Variants in ZMYM4 observed in about 807,000 individuals in gnomAD.
The protein encoded by ZMYM4 is zinc finger MYM-type containing 4, also known as zinc finger MYM-type protein 4.
A neutral mutation model predicts 183.2 loss-of-function variants in ZMYM4; 31 were observed. That is an observed-to-expected ratio of 0.17 (90% confidence interval 0.13 to 0.23). The LOEUF (loss-of-function observed/expected upper bound fraction) is 0.23, where lower values mean the gene tolerates loss of function less well. ZMYM4 is among the 10% of genes least tolerant of loss of function. The pLI is 1.00. For synonymous variants in ZMYM4, 592 were observed against 631.2 expected, an observed-to-expected ratio of 0.94 and a Z score of 0.93; for missense variants, 1,273 against 1,840.3, an observed-to-expected ratio of 0.69 and a Z score of 5.64.
chr1:35,410,755 G>T (rs1267264271), intron 26 of ZMYM4, among the ~76,000 whole-genome samples: 2 of 151,538 alleles, frequency 1.3e-5, no homozygotes, highest in Non-Finnish European at 2.9e-5. Context: ...CTCCCAATGT[G>T]CTGGCTTTAC....
chr1:35,379,435 C>T (rs1413354470), intron 7 of ZMYM4, among the ~76,000 whole-genome samples: 1 of 152,164 alleles, frequency 6.6e-6, no homozygotes, highest in Non-Finnish European at 1.5e-5. Flanking sequence ...GTGGTTTCAC[C>T]ATGTTGGCTA....
At chr1:35,315,733 G>A (rs1331478490) in intron 1 of ZMYM4, among the ~76,000 whole-genome samples, 1 of 151,986 alleles carries the variant, frequency 6.6e-6, no homozygotes, top group Non-Finnish European at 1.5e-5. Flanking sequence ...GGGGGTTTGG[G>A]ACCAGAATTG....
intron 1 of ZMYM4, among the ~76,000 whole-genome samples, chr1:35,321,000 T>A (rs1570347063): frequency 1.3e-5 from 2 of 152,210 alleles, no homozygotes; most frequent in African/African-American, 4.8e-5. Flanking sequence ...GGTCTTTATA[T>A]AAAGCGCTCC....
intron 21 of ZMYM4, 128 bp downstream of exon 21, chr1:35,398,594 G>A: frequency 1.2e-6 from 1 of 860,940 alleles, no homozygotes; most frequent in Non-Finnish European, 1.8e-6. Flanking sequence ...AGATGTATAT[G>A]AAGTGTACTA....
rs373943804 is a variant in ZMYM4, at chr1:35,359,298, A to G, written c.459A>G (p.Lys153=). ...DQVSVFKSIR[K]DFSLVRENSK... ...TTTCTGTCTTTAAATCAATACGGAA[A>G]GATTTTAGTCTAGTAAGAGAAAACA... Residue 153 remains lysine (K), a synonymous_variant, in exon 3 of 30, where the codon AAA becomes AAG. Transcript: ENST00000314607. 3 of 1,609,642 alleles carry G rather than the reference A, an allele frequency of 1.9e-6. No individual in the cohort carries two copies. Among genetic ancestry groups the G allele is most frequent in the Admixed American group, 1.7e-5 (1 of 59,146 alleles).
At chr1:35,340,170 A>G (rs1643144084) in intron 2 of ZMYM4, among the ~76,000 whole-genome samples, 1 of 152,126 alleles carries the variant, frequency 6.6e-6, no homozygotes, top group Non-Finnish European at 1.5e-5. Flanking sequence ...GAATGTGTAG[A>G]TCAACTGAGA....
chr1:35,415,377 T>C (rs1443144914), intron 27 of ZMYM4, 89 bp from the exon 28 acceptor site: 2 of 1,530,950 alleles, frequency 1.3e-6, no homozygotes, highest in Non-Finnish European at 1.8e-6. Context: ...TTTTTCTCTT[T>C]ATATCTCCCT....
At chr1:35,339,717 T>C (rs528918410) in intron 2 of ZMYM4, among the ~76,000 whole-genome samples, 1 of 152,304 alleles carries the variant, frequency 6.6e-6, no homozygotes, top group South Asian at 2.1e-4. Context: ...TTTCCTAAAA[T>C]CTTTATTGAT....
intron 2 of ZMYM4, among the ~76,000 whole-genome samples, chr1:35,339,201 A>G (rs1643098496): frequency 6.6e-6 from 1 of 152,162 alleles, no homozygotes; most frequent in East Asian, 1.9e-4. Context: ...CCTAAACAAT[A>G]CAATATAACA....
intron 1 of ZMYM4, among the ~76,000 whole-genome samples, chr1:35,318,054 GTTTTTTT>G (rs58071694): frequency 8.6e-6 from 1 of 116,616 alleles, no homozygotes; most frequent in Non-Finnish European, 1.7e-5. Context: ...GATTATGGCA[GTTTTTTT>G]TTTTTTTTTT....
chr1:35,296,097 A>G lies in ZMYM4; in HGVS notation c.39+27012A>G, dbSNP rs1274175876. 4 of 152,100 alleles carry G rather than the reference A, an allele frequency of 2.6e-5. No individual in the cohort carries two copies. The East Asian group carries it at 7.7e-4, about 29-fold the overall frequency. 9.4% of individuals were successfully genotyped at this position (152,100 alleles called of 1,614,324 possible). ...GTCAAGGAGCCCATCTCAGTGTGGC[A>G]TTTTCTGCGGTTATCCCTGACCTAC... On this transcript the variant is annotated intron_variant, in intron 1 of 29. Transcript: ENST00000314607.
intron 26 of ZMYM4, among the ~76,000 whole-genome samples, chr1:35,409,052 GT>G (rs1238451598): frequency 2.6e-5 from 4 of 152,060 alleles, no homozygotes; most frequent in Non-Finnish European, 5.9e-5. Flanking sequence ...TTTGTGTCTG[GT>G]TTCTTTCCCT....
At chr1:35,285,366 C>G (rs749124620) in intron 1 of ZMYM4, among the ~76,000 whole-genome samples, 1 of 151,850 alleles carries the variant, frequency 6.6e-6, no homozygotes, top group Non-Finnish European at 1.5e-5. Flanking sequence ...ATGTTTTGTA[C>G]AGGTCTTTTA....
intron 5 of ZMYM4, among the ~76,000 whole-genome samples, chr1:35,365,471 T>C (rs1457928519): frequency 1.3e-5 from 2 of 152,080 alleles, no homozygotes; most frequent in South Asian, 4.1e-4. Context: ...GACGAGCTAA[T>C]GTGTAGTCTC....
intron 1 of ZMYM4, among the ~76,000 whole-genome samples, chr1:35,271,148 T>A (rs542935094): frequency 1.3e-4 from 20 of 152,310 alleles, no homozygotes; most frequent in African/African-American, 4.8e-4. Flanking sequence ...GGTAAATTAC[T>A]TAAGATATGT....
chr1:35,335,771 G>A (rs1229539410), intron 2 of ZMYM4, among the ~76,000 whole-genome samples: 3 of 152,186 alleles, frequency 2.0e-5, no homozygotes, highest in Admixed American at 2.0e-4. Flanking sequence ...AGCTAACACG[G>A]TGAAACTTTG....
At chr1:35,371,110 C>T (rs969221763) in intron 7 of ZMYM4, among the ~76,000 whole-genome samples, 9 of 102,718 alleles carry the variant, frequency 8.8e-5, no homozygotes, top group Middle Eastern at 4.6e-3. Context: ...TGTGTGTGCG[C>T]ACATTTATTT....
At chr1:35,326,084 G>T (rs1642491648) in intron 2 of ZMYM4, among the ~76,000 whole-genome samples, 1 of 152,058 alleles carries the variant, frequency 6.6e-6, no homozygotes, top group Admixed American at 6.6e-5. Flanking sequence ...TGTATAATAA[G>T]TCCTCACTAA....
intron 10 of ZMYM4, 79 bp from the exon 11 acceptor site, chr1:35,385,995 G>A (rs1397099409): frequency 4.8e-6 from 5 of 1,036,114 alleles, no homozygotes; most frequent in African/African-American, 1.6e-5. Flanking sequence ...TTCTTATATT[G>A]TATAGTATTA....
Sources: gnomAD v4.1 joint callset for allele counts (sites outside exome capture counted in the v4.1 genomes callset) on GRCh38, gnomAD v4.1.1 for gene constraint, MANE v1.5 for transcripts, NCBI Gene and HGNC (gene_info 2026-07-23, HGNC 2026-07-21) for gene names.